Variants in EFCAB6 observed in about 807,000 individuals in gnomAD.
EFCAB6 encodes the protein EF-hand calcium-binding domain-containing protein 6.
Under a neutral mutation model 169.8 loss-of-function variants are expected in EFCAB6, and 156 were observed. That is an observed-to-expected ratio of 0.92 (90% confidence interval 0.81 to 1.05). The LOEUF is 1.05. Ranked by LOEUF, EFCAB6 falls within the 50% of genes least tolerant of loss-of-function variation. EFCAB6 has a pLI of 0.00. For missense variants in EFCAB6, 1,800 were observed against 1,829.1 expected (o/e 0.98, Z 0.29); for synonymous variants, 698 against 676.4 (o/e 1.03, Z -0.50).
Position 43,683,337 on chromosome 22 carries a change from T to C in EFCAB6, c.1251+410A>G, listed in dbSNP as rs534832214. 3.9e-5 allele frequency among the ~76,000 whole-genome samples: 6 copies of C among 152,286 alleles called. No individual in the cohort carries two copies. In the South Asian group the frequency reaches 1.0e-3, roughly 26 times the overall value. ...AAAATTAAGTAGGCTATTTTGGCAC[T>C]AAGAAAATGCCCCTGTTTTGGGCAA... On this transcript the variant is annotated intron_variant, in intron 12 of 31. Transcript: ENST00000262726.
At chr22:43,627,588 G>A (rs1422935385) in intron 19 of EFCAB6, among the ~76,000 whole-genome samples, 2 of 152,180 alleles carry the variant, frequency 1.3e-5, no homozygotes, top group Non-Finnish European at 2.9e-5. Flanking sequence ...CAAGTGCAAG[G>A]CTCTGCCCGG....
At chr22:43,677,912 T>C (rs1307616067) in intron 13 of EFCAB6, 84 bp downstream of exon 13, 82 of 1,344,270 alleles carry the variant, frequency 6.1e-5, no homozygotes, top group Non-Finnish European at 8.3e-5. Context: ...ATTTAAACCA[T>C]ATTTCACTTG....
chr22:43,544,717 A>C (rs2047943398), intron 27 of EFCAB6, among the ~76,000 whole-genome samples: 1 of 151,240 alleles, frequency 6.6e-6, no homozygotes, highest in Admixed American at 6.6e-5. Context: ...ATACCCTTCA[A>C]AAAAAAAACC....
intron 8 of EFCAB6, among the ~76,000 whole-genome samples, chr22:43,719,765 G>A (rs1000885614): frequency 6.6e-6 from 1 of 152,190 alleles, no homozygotes; most frequent in Admixed American, 6.5e-5. Context: ...TGGATTAGAT[G>A]AGCTGATAGA....
chr22:43,677,743 C>T (rs1056877039), intron 13 of EFCAB6, among the ~76,000 whole-genome samples: 2 of 152,138 alleles, frequency 1.3e-5, no homozygotes, highest in African/African-American at 4.8e-5. Context: ...GCGCCAGTTA[C>T]ATCCTGTATA....
At chr22:43,601,825 T>C (rs1040727916) in intron 22 of EFCAB6, among the ~76,000 whole-genome samples, 1 of 152,206 alleles carries the variant, frequency 6.6e-6, no homozygotes, top group Non-Finnish European at 1.5e-5. Context: ...CCAAAGGCCA[T>C]GTGGGCCTGT....
intron 7 of EFCAB6, among the ~76,000 whole-genome samples, chr22:43,735,362 C>A (rs1018634467): frequency 6.6e-6 from 1 of 150,974 alleles, no homozygotes. Context: ...CACACCCCTC[C>A]ACCTCAGCAA....
In EFCAB6 at chr22:43,631,612, C is replaced by T. The variant is rs972867559; in HGVS notation, c.2232+493G>A. 3.7e-4 allele frequency among the ~76,000 whole-genome samples: 56 copies of T among 151,978 alleles called. 1 individual carries two copies. The highest frequency in any genetic ancestry group is 1.9e-4 in the African/African-American group (8 of 41,252). On this transcript the variant is annotated intron_variant, in intron 19 of 31. Transcript: ENST00000262726. Reference sequence around the variant, plus strand: ...CCTCCAGAGGATGCTCCAGTTCCTTCGACAACAGCCAATTACTATGAATAT... The same window carrying T: ...CCTCCAGAGGATGCTCCAGTTCCTTTGACAACAGCCAATTACTATGAATAT...
At position 43,530,841 on chromosome 22, in the gene EFCAB6, G is replaced by A. The variant is rs745591218; in HGVS notation, c.4357C>T (p.Leu1453=). 1.2e-6 allele frequency: 2 copies of A among 1,613,924 alleles called. No homozygotes were observed. The highest frequency in any genetic ancestry group is 1.7e-5 in the Admixed American group (1 of 60,012). ...GTCCTGAAATCTGCGACGCTTAGCAGCCCTGTTCCAGCCTCATCATAGCTT... is the reference window on the plus strand; with the variant it reads ...GTCCTGAAATCTGCGACGCTTAGCAACCCTGTTCCAGCCTCATCATAGCTT... ...FKSYDEAGTG[L]LSVADFRTVL... is the part of the protein sequence containing the mutation. Residue 1453 remains leucine (L), a synonymous_variant, in exon 31 of 32, where the codon CTG becomes TTG. Coordinates refer to ENST00000262726, the MANE Select transcript of EFCAB6 (RefSeq NM_022785.4).
intron 2 of EFCAB6, among the ~76,000 whole-genome samples, chr22:43,800,784 G>A (rs1189541619): frequency 2.0e-5 from 3 of 151,436 alleles, no homozygotes; most frequent in Non-Finnish European, 4.4e-5. Flanking sequence ...ACACTCAGAG[G>A]AGAAAAATGA....
In EFCAB6 at chr22:43,572,736, G is replaced by T. The variant is rs2147223854; in HGVS notation, c.3420+3561C>A. On this transcript the variant is annotated intron_variant, in intron 26 of 31. Transcript: ENST00000262726. The surrounding 1 kb of genome is among the most constrained non-coding windows in gnomAD (Gnocchi z 4.0). Reference sequence around the variant, plus strand: ...TCTGCTCTGCTCCATTTTTCTCCCAGCTGCTGCTGGAACCTGACATGTGAC... The same window carrying T: ...TCTGCTCTGCTCCATTTTTCTCCCATCTGCTGCTGGAACCTGACATGTGAC... 6.6e-6 allele frequency among the ~76,000 whole-genome samples: 1 copy of T among 152,282 alleles called. No homozygotes were observed. The highest frequency in any genetic ancestry group is 1.9e-4 in the East Asian group (1 of 5,186).
intron 26 of EFCAB6, among the ~76,000 whole-genome samples, chr22:43,569,001 C>T (rs1453153464): frequency 6.6e-6 from 1 of 152,212 alleles, no homozygotes; most frequent in African/African-American, 2.4e-5. Context: ...CCCTCACATT[C>T]CTGCAAGAGG....
At chr22:43,560,961 G>T (rs1232368327) in intron 26 of EFCAB6, among the ~76,000 whole-genome samples, 2 of 152,192 alleles carry the variant, frequency 1.3e-5, no homozygotes, top group Non-Finnish European at 2.9e-5. Context: ...TGGGGAAGGT[G>T]CTGGGCACCT....
chr22:43,773,954 C>T (rs2061558316), intron 3 of EFCAB6, among the ~76,000 whole-genome samples: 1 of 152,134 alleles, frequency 6.6e-6, no homozygotes, highest in Admixed American at 6.5e-5. Context: ...TCCCAGAGCT[C>T]CCTGTGTCAG....
At chr22:43,627,683 C>A (rs1042769956) in intron 19 of EFCAB6, among the ~76,000 whole-genome samples, 1 of 152,170 alleles carries the variant, frequency 6.6e-6, no homozygotes, top group East Asian at 1.9e-4. Flanking sequence ...CTCGTTCCAT[C>A]GGCACCTGAT....
intron 30 of EFCAB6, among the ~76,000 whole-genome samples, chr22:43,533,701 G>C (rs1015688897): frequency 1.3e-5 from 2 of 152,182 alleles, no homozygotes; most frequent in Non-Finnish European, 2.9e-5. Flanking sequence ...ACAGACCCTG[G>C]CGTCTCATGC....
rs1443554126 is a variant in EFCAB6, at chr22:43,645,123, G to A, written c.1984-9907C>T. ...CTCCTGTATCACATACGGAGGTCTT[G>A]TGTATCTGTGGCAACAGGGAGTTTC... On this transcript the variant is annotated intron_variant, in intron 17 of 31. Coordinates refer to ENST00000262726, the MANE Select transcript of EFCAB6 (RefSeq NM_022785.4). Among the ~76,000 whole-genome samples, 4 of 152,190 alleles carry A rather than the reference G, an allele frequency of 2.6e-5. No homozygotes were observed. In the South Asian group the frequency reaches 8.3e-4, roughly 32 times the overall value.
At chr22:43,789,853 A>G (rs1344618813) in intron 2 of EFCAB6, among the ~76,000 whole-genome samples, 1 of 149,924 alleles carries the variant, frequency 6.7e-6, no homozygotes, top group Non-Finnish European at 1.5e-5. Context: ...ACCTTCACAC[A>G]CACACACACA....
chr22:43,637,057 C>A (rs78647723), intron 17 of EFCAB6, among the ~76,000 whole-genome samples: 12,677 of 152,208 alleles, frequency 0.083, 654 homozygotes, highest in South Asian at 0.17. Flanking sequence ...GGTGTCTTCC[C>A]TGTATCCAAA....
Sources: allele counts gnomAD v4.1 joint callset (sites outside exome capture counted in the v4.1 genomes callset), GRCh38; gene constraint gnomAD v4.1.1; non-coding constraint Gnocchi (gnomAD v3.1); transcripts MANE v1.5; gene names NCBI Gene and HGNC (gene_info 2026-07-23, HGNC 2026-07-21).